The following KIAA1217 variants were observed in gnomAD, a reference collection of about 807,000 sequenced individuals.
KIAA1217 encodes sickle tail protein homolog.
Under a neutral mutation model 163.9 loss-of-function variants are expected in KIAA1217, and 88 were observed. That is an observed-to-expected ratio of 0.54 (90% CI 0.45 to 0.64). The LOEUF (loss-of-function observed/expected upper bound fraction) is 0.64. KIAA1217 is among the 30% of genes least tolerant of loss of function. The pLI is 0.00. For missense variants in KIAA1217, 2,372 were observed against 2,475.0 expected, an observed-to-expected ratio of 0.96 and a Z score of 0.88; for synonymous variants, 903 against 923.1, an observed-to-expected ratio of 0.98 and a Z score of 0.39.
intron 2 of KIAA1217, among the ~76,000 whole-genome samples, chr10:24,024,028 T>C (rs1318438649): frequency 3.3e-5 from 5 of 151,688 alleles, no homozygotes; most frequent in African/African-American, 1.2e-4. Flanking sequence ...TATATTTTGG[T>C]CTGGGTGGTG....
intron 2 of KIAA1217, among the ~76,000 whole-genome samples, chr10:24,177,748 T>G (rs1191935988): frequency 1.3e-5 from 2 of 152,068 alleles, no homozygotes; most frequent in African/African-American, 2.4e-5. Flanking sequence ...TGGGGGAGGC[T>G]AGCTTCACTT....
chr10:24,279,817 AAAT>A (rs2132175462), intron 2 of KIAA1217, among the ~76,000 whole-genome samples: 1 of 152,348 alleles, frequency 6.6e-6, no homozygotes, highest in South Asian at 2.1e-4. Flanking sequence ...TATGGTAAAA[AAAT>A]AATATTGCTA....
intron 6 of KIAA1217, among the ~76,000 whole-genome samples, chr10:24,493,088 C>T (rs1442722719): frequency 3.3e-5 from 5 of 152,304 alleles, no homozygotes; most frequent in East Asian, 1.9e-4. Flanking sequence ...TCAGGTGATC[C>T]GCCCACCTGG....
intron 4 of KIAA1217, among the ~76,000 whole-genome samples, chr10:24,436,575 A>T (rs527840018): frequency 1.3e-5 from 2 of 151,546 alleles, no homozygotes; most frequent in South Asian, 2.1e-4. Context: ...TGGTTAACAC[A>T]GTGAAAACCC....
chr10:23,846,360 A>G (rs916051228), intron 1 of KIAA1217, among the ~76,000 whole-genome samples: 1 of 152,246 alleles, frequency 6.6e-6, no homozygotes, highest in Non-Finnish European at 1.5e-5. Context: ...CTTCCTATCC[A>G]TAAGCATGGA....
chr10:24,001,903 AT>A (rs367587114), intron 1 of KIAA1217, among the ~76,000 whole-genome samples: 2 of 151,436 alleles, frequency 1.3e-5, no homozygotes, highest in Non-Finnish European at 2.9e-5. Flanking sequence ...TGTGTAGGTG[AT>A]TTTTTTTTCA....
chr10:23,880,237 T>C (rs1454693886), intron 1 of KIAA1217, among the ~76,000 whole-genome samples: 2 of 151,876 alleles, frequency 1.3e-5, no homozygotes, highest in African/African-American at 4.8e-5. Flanking sequence ...GAAAATGTGG[T>C]ATGTACACAC....
intron 3 of KIAA1217, among the ~76,000 whole-genome samples, chr10:24,394,249 T>G (rs1242647291): frequency 6.6e-6 from 1 of 152,228 alleles, no homozygotes; most frequent in Non-Finnish European, 1.5e-5. Flanking sequence ...CTGCTGAGTT[T>G]GGCTACTCAA....
At chr10:23,934,626 T>TA (rs1347313610) in intron 1 of KIAA1217, among the ~76,000 whole-genome samples, 26 of 77,636 alleles carry the variant, frequency 3.3e-4, no homozygotes, top group Admixed American at 1.1e-3. Flanking sequence ...TATATATATA[T>TA]TTTTTTTTTG....
At chr10:23,925,441 C>A (rs1842985121) in intron 1 of KIAA1217, among the ~76,000 whole-genome samples, 1 of 152,218 alleles carries the variant, frequency 6.6e-6, no homozygotes, top group African/African-American at 2.4e-5. Context: ...CTAAGTCCTG[C>A]CTTCTGCCCT....
Position 23,814,256 on chromosome 10 carries a change from A to G in KIAA1217, c.-321+119022A>G, listed in dbSNP as rs191826159. 1.8e-3 allele frequency among the ~76,000 whole-genome samples: 269 copies of G among 152,288 alleles called. 1 individual carries two copies. Among genetic ancestry groups the G allele is most frequent in the Middle Eastern group, 6.8e-3 (2 of 294 alleles). On this transcript the variant is annotated intron_variant, in intron 1 of 18. Transcript: ENST00000376462. ...GAGTTATGGGAGGAATGAGTGGATC[A>G]TTCTGCTCCTATATCTGGGTAATCT... is the stretch of plus-strand genomic sequence containing the variant.
At chr10:23,788,317 G>A (rs1017443455) in intron 1 of KIAA1217, among the ~76,000 whole-genome samples, 6 of 152,172 alleles carry the variant, frequency 3.9e-5, no homozygotes, top group Non-Finnish European at 8.8e-5. Flanking sequence ...TTCTGAGTTG[G>A]AAAAGCCTAA....
intron 17 of KIAA1217, among the ~76,000 whole-genome samples, chr10:24,540,147 C>A (rs899336976): frequency 2.6e-5 from 4 of 152,218 alleles, no homozygotes; most frequent in Non-Finnish European, 5.9e-5. Flanking sequence ...AACCAAACTT[C>A]ACATTTTTAT....
At chr10:23,915,227 GA>G (rs1842588994) in intron 1 of KIAA1217, among the ~76,000 whole-genome samples, 1 of 152,040 alleles carries the variant, frequency 6.6e-6, no homozygotes, top group Non-Finnish European at 1.5e-5. Flanking sequence ...ATGTAGCTAA[GA>G]AAAAAGAAGA....
intron 1 of KIAA1217, among the ~76,000 whole-genome samples, chr10:23,957,913 TG>T (rs1222481601): frequency 6.6e-6 from 1 of 152,228 alleles, no homozygotes; most frequent in Non-Finnish European, 1.5e-5. Context: ...CAGAAGAAGG[TG>T]GCTGACTGCT....
chr10:24,189,120 G>GA (rs1263574122), intron 2 of KIAA1217, among the ~76,000 whole-genome samples: 3 of 116,400 alleles, frequency 2.6e-5, no homozygotes, highest in Admixed American at 8.6e-5. Flanking sequence ...AAAAAAAAAA[G>GA]AAAAGAAAAA....
At chr10:23,948,033 A>G (rs1371462869) in intron 1 of KIAA1217, among the ~76,000 whole-genome samples, 2 of 152,240 alleles carry the variant, frequency 1.3e-5, no homozygotes, top group East Asian at 1.9e-4. Context: ...GTTCTTACAC[A>G]CTTCTTACAC....
intron 2 of KIAA1217, among the ~76,000 whole-genome samples, chr10:24,188,068 G>A (rs1285847022): frequency 6.8e-6 from 1 of 146,222 alleles, no homozygotes; most frequent in African/African-American, 2.5e-5. Flanking sequence ...CATGGTGGCA[G>A]CGCCTGTAAT....
intron 2 of KIAA1217, among the ~76,000 whole-genome samples, chr10:24,114,868 A>T (rs2062991033): frequency 6.6e-6 from 1 of 152,158 alleles, no homozygotes; most frequent in Non-Finnish European, 1.5e-5. Flanking sequence ...CCACTTGCTA[A>T]CTACGCCACA....
Sources: gnomAD v4.1 joint callset for allele counts (sites outside exome capture counted in the v4.1 genomes callset) on GRCh38, gnomAD v4.1.1 for gene constraint, MANE v1.5 for transcripts, NCBI Gene and HGNC (gene_info 2026-07-23, HGNC 2026-07-21) for gene names.